PTPRK: variants seen among roughly 807,000 people sequenced by gnomAD.
PTPRK encodes protein tyrosine phosphatase receptor type K.
PTPRK carries 75 observed loss-of-function variants against 178.0 expected under a neutral mutation model. That is an observed-to-expected ratio of 0.42 (90% CI 0.35 to 0.51). The LOEUF (loss-of-function observed/expected upper bound fraction) is 0.51, where lower values mean the gene tolerates loss of function less well. PTPRK is among the 20% of genes least tolerant of loss of function. PTPRK has a pLI of 0.02. For synonymous variants in PTPRK, 637 were observed against 620.6 expected (o/e 1.03, Z -0.39); for missense variants, 1,441 against 1,797.8 (o/e 0.80, Z 3.59).
At chr6:128,178,250 A>G (rs1801386030) in intron 7 of PTPRK, among the ~76,000 whole-genome samples, 1 of 151,862 alleles carries the variant, frequency 6.6e-6, no homozygotes, top group African/African-American at 2.4e-5. Context: ...TATGGTTATA[A>G]CACTAGCCTG....
intron 1 of PTPRK, among the ~76,000 whole-genome samples, chr6:128,507,793 C>T (rs764191792): frequency 6.6e-6 from 1 of 152,100 alleles, no homozygotes; most frequent in Non-Finnish European, 1.5e-5. Flanking sequence ...AAGAGGCTGT[C>T]CACCAATCTT....
At chr6:128,153,457 A>T (rs1797556609) in intron 7 of PTPRK, among the ~76,000 whole-genome samples, 1 of 152,048 alleles carries the variant, frequency 6.6e-6, no homozygotes, top group African/African-American at 2.4e-5. Flanking sequence ...TAATTAAGGC[A>T]TATTACATAT....
intron 5 of PTPRK, among the ~76,000 whole-genome samples, chr6:128,233,473 G>C (rs1812648926): frequency 6.6e-6 from 1 of 152,166 alleles, no homozygotes. Context: ...TGGTACAGTA[G>C]GGGGTCAGCC....
At chr6:128,388,799 G>A (rs1839139604) in intron 2 of PTPRK, among the ~76,000 whole-genome samples, 2 of 152,168 alleles carry the variant, frequency 1.3e-5, no homozygotes, top group South Asian at 4.1e-4. Flanking sequence ...AAATGCTTGG[G>A]ATCAGACAGA....
At chr6:128,171,061 T>C (rs1472814235) in intron 7 of PTPRK, among the ~76,000 whole-genome samples, 1 of 151,964 alleles carries the variant, frequency 6.6e-6, no homozygotes, top group Non-Finnish European at 1.5e-5. Context: ...TGTATAATGA[T>C]GTACCTTACA....
chr6:128,127,015 T>C (rs1793491555), intron 7 of PTPRK, among the ~76,000 whole-genome samples: 1 of 152,122 alleles, frequency 6.6e-6, no homozygotes, highest in Admixed American at 6.6e-5. Context: ...GGGTATGATG[T>C]TTTGCTAATT....
intron 5 of PTPRK, among the ~76,000 whole-genome samples, chr6:128,221,998 C>A (rs1810500249): frequency 6.6e-6 from 1 of 152,076 alleles, no homozygotes; most frequent in Non-Finnish European, 1.5e-5. Context: ...GTTATACAAC[C>A]TTATCTGGGC....
chr6:128,056,977 T>G (rs1780013023), intron 13 of PTPRK, among the ~76,000 whole-genome samples: 2 of 152,174 alleles, frequency 1.3e-5, no homozygotes, highest in African/African-American at 4.8e-5. Flanking sequence ...AAGAAATACT[T>G]TTCAGAAGTG....
intron 11 of PTPRK, among the ~76,000 whole-genome samples, chr6:128,073,073 T>C (rs1783117800): frequency 6.6e-6 from 1 of 152,114 alleles, no homozygotes; most frequent in South Asian, 2.1e-4. Flanking sequence ...CAAATATGAT[T>C]TGATATTATA....
chr6:128,192,687 G>A (rs1804016990), intron 6 of PTPRK, among the ~76,000 whole-genome samples: 1 of 151,926 alleles, frequency 6.6e-6, no homozygotes, highest in Non-Finnish European at 1.5e-5. Flanking sequence ...AGGTGTGGTG[G>A]CAGCTGTGGT....
intron 2 of PTPRK, among the ~76,000 whole-genome samples, chr6:128,331,822 C>A (rs1352821320): frequency 6.6e-6 from 1 of 152,130 alleles, no homozygotes; most frequent in Non-Finnish European, 1.5e-5. Flanking sequence ...ACTTTAGTAT[C>A]CGTGACATGT....
intron 1 of PTPRK, among the ~76,000 whole-genome samples, chr6:128,504,354 A>G (rs1856003676): frequency 6.6e-6 from 1 of 152,240 alleles, no homozygotes; most frequent in Non-Finnish European, 1.5e-5. Context: ...AGCAGCCTGT[A>G]GTATAACTGT....
chr6:128,384,167 T>C (rs534820424), intron 2 of PTPRK, among the ~76,000 whole-genome samples: 1 of 152,302 alleles, frequency 6.6e-6, no homozygotes, highest in South Asian at 2.1e-4. Context: ...CTAATAAATA[T>C]TCCTTCTCAT....
At chr6:128,349,100 C>A (rs1366036647) in intron 2 of PTPRK, among the ~76,000 whole-genome samples, 1 of 151,958 alleles carries the variant, frequency 6.6e-6, no homozygotes, top group East Asian at 1.9e-4. Flanking sequence ...AGGCATAAGA[C>A]AAAATTCCCA....
chr6:128,077,589 A>G (rs1475355385), intron 11 of PTPRK, among the ~76,000 whole-genome samples: 1 of 150,174 alleles, frequency 6.7e-6, no homozygotes, highest in Admixed American at 6.6e-5. Context: ...CAAAGAACAA[A>G]CATTAGTTTT....
intron 13 of PTPRK, among the ~76,000 whole-genome samples, chr6:128,032,988 C>T (rs188195523): frequency 6.6e-6 from 1 of 152,124 alleles, no homozygotes; most frequent in African/African-American, 2.4e-5. Context: ...TTCTAAATTA[C>T]GTGATCTTCC....
chr6:128,440,439 T>A (rs2128400040), intron 1 of PTPRK, among the ~76,000 whole-genome samples: 2 of 152,340 alleles, frequency 1.3e-5, no homozygotes, highest in South Asian at 2.1e-4. Flanking sequence ...AATTAACTCA[T>A]GCTAAAGTAT....
rs559556904 is a variant in PTPRK at position 128,176,102 on chromosome 6, G to A, written c.1162+8330C>T. Among the ~76,000 whole-genome samples, 12 of 151,914 alleles carry A rather than the reference G, an allele frequency of 7.9e-5. 1 individual carries two copies. In the South Asian group the frequency reaches 2.1e-3, roughly 26 times the overall value. On this transcript the variant is annotated intron_variant, in intron 7 of 29. Coordinates refer to ENST00000368226, the MANE Select transcript of PTPRK (RefSeq NM_002844.4). ...TATTCTTCACTAATATAATTTTTAA[G>A]GTGGTATCTAAATTTTTAAAATTAA...
At chr6:128,235,134 T>C (rs747282655) in intron 5 of PTPRK, among the ~76,000 whole-genome samples, 1 of 152,092 alleles carries the variant, frequency 6.6e-6, no homozygotes, top group Non-Finnish European at 1.5e-5. Context: ...CATAAATATG[T>C]ACAAGTAGTA....
Sources: allele counts gnomAD v4.1 joint callset (sites outside exome capture counted in the v4.1 genomes callset), GRCh38; gene constraint gnomAD v4.1.1; transcripts MANE v1.5; gene names NCBI Gene and HGNC (gene_info 2026-07-23, HGNC 2026-07-21).